The following FHIT variants were observed in gnomAD, a reference collection of about 807,000 sequenced individuals.
The protein encoded by FHIT is fragile histidine triad diadenosine triphosphatase.
In FHIT, 19 loss-of-function variants were observed where a neutral mutation model predicts 17.9. The ratio of observed to expected loss-of-function variants is 1.06; its 90% CI spans 0.74 to 1.56. The LOEUF is 1.56. Ranked by LOEUF, FHIT falls within the 40% of genes most tolerant of loss-of-function variation. FHIT has a pLI of 0.00. For synonymous variants in FHIT, 81 were observed against 69.7 expected, an observed-to-expected ratio of 1.16 and a Z score of -0.81; for missense variants, 248 against 189.2, an observed-to-expected ratio of 1.31 and a Z score of -1.82.
At chr3:61,024,045 A>G (rs1177569879) in intron 3 of FHIT, among the ~76,000 whole-genome samples, 1 of 152,168 alleles carries the variant, frequency 6.6e-6, no homozygotes, top group East Asian at 1.9e-4. Flanking sequence ...GGACAGTATT[A>G]TAAAAGCCAA....
intron 5 of FHIT, among the ~76,000 whole-genome samples, chr3:60,130,578 C>G (rs1221245879): frequency 6.6e-6 from 1 of 152,020 alleles, no homozygotes; most frequent in African/African-American, 2.4e-5. Flanking sequence ...TTTTATACAA[C>G]TTCAAAAATG....
At chr3:60,503,795 T>C (rs1284018429) in intron 5 of FHIT, among the ~76,000 whole-genome samples, 1 of 152,192 alleles carries the variant, frequency 6.6e-6, no homozygotes, top group Non-Finnish European at 1.5e-5. Context: ...TAAAACTGTT[T>C]TGGAGAAGAT....
intron 8 of FHIT, among the ~76,000 whole-genome samples, chr3:59,838,055 T>G (rs1485731): frequency 2.0e-5 from 3 of 152,180 alleles, no homozygotes; most frequent in African/African-American, 7.2e-5. Flanking sequence ...AGAAGTCATT[T>G]TGTCTCCATT....
chr3:60,272,807 C>T (rs1160976347), intron 5 of FHIT, among the ~76,000 whole-genome samples: 1 of 152,148 alleles, frequency 6.6e-6, no homozygotes, highest in African/African-American at 2.4e-5. Flanking sequence ...TCCACCTTTC[C>T]GTGTGCAAAC....
intron 5 of FHIT, among the ~76,000 whole-genome samples, chr3:60,161,547 T>A (rs1346066039): frequency 6.6e-6 from 1 of 152,126 alleles, no homozygotes; most frequent in Non-Finnish European, 1.5e-5. Context: ...AAGAAGACAC[T>A]TTCAAGGGCA....
At position 61,117,411 on chromosome 3, in the gene FHIT, G is replaced by A. The variant is rs114392888; in HGVS notation, c.-163-75312C>T. 3.5e-3 allele frequency among the ~76,000 whole-genome samples: 538 copies of A among 152,232 alleles called. 5 individuals are homozygous for A. The highest frequency in any genetic ancestry group is 0.013 in the African/African-American group (523 of 41,534). On this transcript the variant is annotated intron_variant, in intron 2 of 9. Transcript: ENST00000492590. ...ATCACCTTACTTTTGTAGCAAATGA[G>A]CCATGAGATACGGTGCCAGAAATTG... is the stretch of plus-strand genomic sequence containing the variant.
At chr3:60,938,879 A>C (rs1708298624) in intron 3 of FHIT, among the ~76,000 whole-genome samples, 1 of 152,122 alleles carries the variant, frequency 6.6e-6, no homozygotes, top group South Asian at 2.1e-4. Context: ...CGTTCTAAAA[A>C]CCCTGCATCA....
At chr3:59,842,680 A>C (rs1233241295) in intron 8 of FHIT, among the ~76,000 whole-genome samples, 1 of 152,226 alleles carries the variant, frequency 6.6e-6, no homozygotes, top group East Asian at 1.9e-4. Flanking sequence ...GCATCTTTTC[A>C]ACTGTTTATT....
At chr3:59,986,752 A>AAATATATAAACATATT (rs1559524499) in intron 7 of FHIT, among the ~76,000 whole-genome samples, 1 of 2,226 alleles carries the variant, frequency 4.5e-4, no homozygotes, top group Non-Finnish European at 6.1e-4. Context: ...ATATTTATAT[A>AAATATATAAACATATT]TATATAAATA....
intron 5 of FHIT, among the ~76,000 whole-genome samples, chr3:60,329,611 GTAAC>G (rs1466396053): frequency 3.3e-5 from 5 of 152,206 alleles, no homozygotes; most frequent in Non-Finnish European, 5.9e-5. Context: ...AGTTAGGTGA[GTAAC>G]TAGCAGCAGA....
At chr3:60,435,482 G>T (rs1173571102) in intron 5 of FHIT, among the ~76,000 whole-genome samples, 3 of 151,934 alleles carry the variant, frequency 2.0e-5, no homozygotes, top group East Asian at 1.9e-4. Flanking sequence ...GAAGAATGGT[G>T]CACACGTCTG....
intron 8 of FHIT, among the ~76,000 whole-genome samples, chr3:59,754,999 G>A (rs967120926): frequency 6.6e-6 from 1 of 152,024 alleles, no homozygotes; most frequent in African/African-American, 2.4e-5. Context: ...GCCTGGGTTT[G>A]GGGATTTAAA....
intron 2 of FHIT, among the ~76,000 whole-genome samples, chr3:61,126,041 G>A (rs1234617646): frequency 6.6e-6 from 1 of 152,172 alleles, no homozygotes; most frequent in Non-Finnish European, 1.5e-5. Flanking sequence ...GTCTTCAACA[G>A]TGTGGAGCTG....
intron 2 of FHIT, among the ~76,000 whole-genome samples, chr3:61,107,595 G>A (rs772371970): frequency 6.6e-6 from 1 of 152,122 alleles, no homozygotes; most frequent in African/African-American, 2.4e-5. Flanking sequence ...GTGTACATGG[G>A]TTGCTTTTTC....
intron 3 of FHIT, among the ~76,000 whole-genome samples, chr3:60,908,365 C>T (rs880001966): frequency 1.3e-5 from 2 of 152,172 alleles, no homozygotes; most frequent in African/African-American, 2.4e-5. Flanking sequence ...GAGGTTTAGA[C>T]TATGCTGAAA....
At chr3:60,805,767 G>C (rs1701361469) in intron 4 of FHIT, among the ~76,000 whole-genome samples, 1 of 152,012 alleles carries the variant, frequency 6.6e-6, no homozygotes, top group South Asian at 2.1e-4. Context: ...CACCGTGTTA[G>C]CCAGGATGGT....
At chr3:60,899,042 C>G (rs1288854815) in intron 3 of FHIT, among the ~76,000 whole-genome samples, 1 of 152,088 alleles carries the variant, frequency 6.6e-6, no homozygotes, top group Non-Finnish European at 1.5e-5. Context: ...TTTCCAGAAC[C>G]ATCTGTGCTT....
rs568490447 is a variant in FHIT at position 59,851,108 on chromosome 3, G to A, written c.348+71238C>T. Among the ~76,000 whole-genome samples the A allele has an allele frequency of 1.4e-4, 21 of 152,256 alleles. No homozygotes were observed. In the South Asian group the frequency reaches 4.2e-3, roughly 30 times the overall value. ...GATCCAGGACTCAATGGCTCCTCCT[G>A]GATCTTCTAACAAGGTCAATCTGGC... On this transcript the variant is annotated intron_variant, in intron 8 of 9. Coordinates refer to ENST00000492590, the MANE Select transcript of FHIT (RefSeq NM_002012.4).
At chr3:60,703,190 T>A (rs1490186722) in intron 4 of FHIT, among the ~76,000 whole-genome samples, 1 of 152,210 alleles carries the variant, frequency 6.6e-6, no homozygotes. Flanking sequence ...TGGAGTAATG[T>A]GTCTGCATGC....
Sources: allele counts gnomAD v4.1 joint callset (sites outside exome capture counted in the v4.1 genomes callset), GRCh38; gene constraint gnomAD v4.1.1; transcripts MANE v1.5; gene names NCBI Gene and HGNC (gene_info 2026-07-23, HGNC 2026-07-21).